Variants in DCC observed in about 807,000 individuals in gnomAD.
The protein encoded by DCC is DCC netrin 1 receptor.
Under a neutral mutation model 172.5 loss-of-function variants are expected in DCC, and 58 were observed. The ratio of observed to expected loss-of-function variants is 0.34; its 90% CI spans 0.27 to 0.42. DCC has a LOEUF of 0.42. Among genes scored for constraint, DCC ranks in the 10% least tolerant of loss-of-function variants. DCC has a pLI of 1.00. For synonymous variants in DCC, 709 were observed against 644.5 expected, an observed-to-expected ratio of 1.10 and a Z score of -1.52; for missense variants, 1,740 against 1,791.0, an observed-to-expected ratio of 0.97 and a Z score of 0.51.
At chr18:52,902,106 G>A (rs1052496325) in intron 2 of DCC, among the ~76,000 whole-genome samples, 6 of 152,126 alleles carry the variant, frequency 3.9e-5, no homozygotes, top group Non-Finnish European at 8.8e-5. Flanking sequence ...CAGCCAAGAG[G>A]AAACCATGTT....
At position 53,215,538 on chromosome 18, in the gene DCC, T is replaced by C; in HGVS notation, c.1862-10T>C. The C allele has an allele frequency of 1.2e-6, 2 of 1,613,170 alleles. No individual in the cohort carries two copies. The highest frequency in any genetic ancestry group is 1.7e-5 in the Admixed American group (1 of 59,992). On this transcript the variant is annotated splice_polypyrimidine_tract_variant and intron_variant, in intron 11 of 28. Coordinates refer to ENST00000442544, the MANE Select transcript of DCC (RefSeq NM_005215.4). ...GCAGTAACTGTGACAATTTGTTTGA[T>C]TCCTTTTAGTGCCAAGTGCCCCGCC...
At chr18:52,571,178 A>C (rs2144758645) in intron 1 of DCC, among the ~76,000 whole-genome samples, 1 of 152,268 alleles carries the variant, frequency 6.6e-6, no homozygotes, top group South Asian at 2.1e-4. Flanking sequence ...TGCCAGGAAC[A>C]TGACTCAGCT....
At chr18:53,470,166 A>G (rs988282089) in intron 25 of DCC, among the ~76,000 whole-genome samples, 5 of 152,048 alleles carry the variant, frequency 3.3e-5, no homozygotes, top group Non-Finnish European at 2.9e-5. Flanking sequence ...TCTAGTATCA[A>G]TGGCCTTAAA....
intron 5 of DCC, among the ~76,000 whole-genome samples, chr18:52,996,319 A>G (rs544569842): frequency 1.4e-3 from 217 of 152,182 alleles, no homozygotes; most frequent in Non-Finnish European, 2.5e-3. Context: ...AATTCTCACC[A>G]TAATTGCATG....
chr18:52,735,882 C>T (rs1364242348), intron 1 of DCC, among the ~76,000 whole-genome samples: 2 of 152,220 alleles, frequency 1.3e-5, no homozygotes, highest in Middle Eastern at 3.4e-3. Flanking sequence ...TCAGTATTAA[C>T]AATCACACAT....
Position 52,569,270 on chromosome 18 carries a change from G to A in DCC, c.92-182784G>A, listed in dbSNP as rs183237067. On this transcript the variant is annotated intron_variant, in intron 1 of 28. Coordinates refer to ENST00000442544, the MANE Select transcript of DCC (RefSeq NM_005215.4). ...CCTGGGTCTATTTCCTAGTATTGTC[G>A]CTTGCTAGGTGTATAGATTTGCACA... Among the ~76,000 whole-genome samples the A allele has an allele frequency of 2.4e-3, 362 of 152,242 alleles. 4 individuals are homozygous for A. The highest frequency in any genetic ancestry group is 0.016 in the South Asian group (75 of 4,826).
chr18:52,504,694 C>A (rs749962645), intron 1 of DCC, among the ~76,000 whole-genome samples: 1 of 152,068 alleles, frequency 6.6e-6, no homozygotes, highest in Non-Finnish European at 1.5e-5. Context: ...AAAAGTTTAT[C>A]TGCTCGGGTG....
Position 53,495,736 on chromosome 18 carries a change from G to A in DCC, c.3899-3562G>A, listed in dbSNP as rs535430317. 1.1e-4 allele frequency among the ~76,000 whole-genome samples: 17 copies of A among 152,198 alleles called. No individual in the cohort carries two copies. In the South Asian group the frequency reaches 2.9e-3, roughly 26 times the overall value. On this transcript the variant is annotated intron_variant, in intron 26 of 28. Transcript: ENST00000442544. Reference sequence around the variant, plus strand: ...CTTCCAACTTGGTTCCATTCTCCCCGTCACTTTCAGGTACACCAATCAGAC... The same window carrying A: ...CTTCCAACTTGGTTCCATTCTCCCCATCACTTTCAGGTACACCAATCAGAC...
chr18:52,811,635 TACAA>T (rs1238575320), intron 2 of DCC, among the ~76,000 whole-genome samples: 5 of 152,212 alleles, frequency 3.3e-5, no homozygotes, highest in African/African-American at 9.6e-5. Flanking sequence ...ATTTTAGTAC[TACAA>T]ACACAGTCAT....
At chr18:52,955,915 T>C (rs2040735046) in intron 5 of DCC, among the ~76,000 whole-genome samples, 1 of 152,076 alleles carries the variant, frequency 6.6e-6, no homozygotes, top group Non-Finnish European at 1.5e-5. Context: ...TCAGGTTGCT[T>C]GTTATTGTTG....
intron 5 of DCC, among the ~76,000 whole-genome samples, chr18:52,987,162 T>C (rs2041309849): frequency 6.6e-6 from 1 of 152,078 alleles, no homozygotes; most frequent in African/African-American, 2.4e-5. Context: ...AACCCAAATA[T>C]GGTTTCCTCC....
chr18:52,382,027 G>T (rs9957949), intron 1 of DCC, among the ~76,000 whole-genome samples: 5,153 of 152,146 alleles, frequency 0.034, 285 homozygotes, highest in African/African-American at 0.12. Flanking sequence ...CATATCTTTG[G>T]ATGAGGATCT....
chr18:52,565,088 A>G (rs2033128690), intron 1 of DCC, among the ~76,000 whole-genome samples: 2 of 152,150 alleles, frequency 1.3e-5, no homozygotes, highest in South Asian at 4.1e-4. Context: ...GAGGAACTGC[A>G]GTGTAAGACT....
chr18:52,960,569 C>T (rs2040826287), intron 5 of DCC, among the ~76,000 whole-genome samples: 1 of 152,086 alleles, frequency 6.6e-6, no homozygotes, highest in South Asian at 2.1e-4. Flanking sequence ...CCCAGTGACT[C>T]CAAAATCAAG....
intron 1 of DCC, among the ~76,000 whole-genome samples, chr18:52,624,853 C>T (rs999735009): frequency 9.2e-5 from 14 of 152,128 alleles, no homozygotes; most frequent in East Asian, 1.9e-4. Flanking sequence ...AAGAGATTCA[C>T]GTGCAGTTGC....
At chr18:52,447,197 C>T (rs570670799) in intron 1 of DCC, among the ~76,000 whole-genome samples, 2 of 152,256 alleles carry the variant, frequency 1.3e-5, no homozygotes, top group South Asian at 4.1e-4. Context: ...ATAAAGATAA[C>T]CCCCCGTCTT....
intron 2 of DCC, among the ~76,000 whole-genome samples, chr18:52,846,351 G>A (rs2038889015): frequency 6.6e-6 from 1 of 151,972 alleles, no homozygotes. Flanking sequence ...AGACGAGCCC[G>A]GGCAACATGG....
At chr18:53,048,542 CACAT>C (rs938745528) in intron 5 of DCC, among the ~76,000 whole-genome samples, 1 of 146,628 alleles carries the variant, frequency 6.8e-6, no homozygotes, top group Non-Finnish European at 1.5e-5. Flanking sequence ...TATATACACA[CACAT>C]ATATATGCAT....
intron 28 of DCC, among the ~76,000 whole-genome samples, chr18:53,529,038 TCA>T (rs140593675): frequency 0.017 from 1,114 of 65,068 alleles, 5 homozygotes; most frequent in South Asian, 0.03. Context: ...TCTCTCTCTC[TCA>T]CACACACACA....
Sources: allele counts gnomAD v4.1 joint callset (sites outside exome capture counted in the v4.1 genomes callset), GRCh38; gene constraint gnomAD v4.1.1; transcripts MANE v1.5; gene names NCBI Gene and HGNC (gene_info 2026-07-23, HGNC 2026-07-21).